The following ROBO2 variants were observed in gnomAD, a reference collection of about 807,000 sequenced individuals.
The protein encoded by ROBO2 is roundabout homolog 2.
In ROBO2, 53 loss-of-function variants were observed where a neutral mutation model predicts 160.8. That is an observed-to-expected ratio of 0.33 (90% CI 0.26 to 0.41). The LOEUF (loss-of-function observed/expected upper bound fraction) is 0.41, where lower values mean the gene tolerates loss of function less well. Ranked by LOEUF, ROBO2 falls within the 10% of genes least tolerant of loss-of-function variation. The pLI is 1.00. For missense variants in ROBO2, 1,577 were observed against 1,722.4 expected, an observed-to-expected ratio of 0.92 and a Z score of 1.49; for synonymous variants, 664 against 611.7, an observed-to-expected ratio of 1.09 and a Z score of -1.26.
At chr3:76,507,606 AT>A (rs2080862019) in intron 2 of ROBO2, among the ~76,000 whole-genome samples, 2 of 152,130 alleles carry the variant, frequency 1.3e-5, no homozygotes, top group African/African-American at 4.8e-5. Flanking sequence ...CAATAGCACA[AT>A]ACATACCAGA....
At chr3:77,530,677 C>G (rs181225796) in intron 6 of ROBO2, among the ~76,000 whole-genome samples, 1 of 152,126 alleles carries the variant, frequency 6.6e-6, no homozygotes, top group Non-Finnish European at 1.5e-5. Flanking sequence ...TTCATATTTG[C>G]TGGTTGCCAC....
intron 2 of ROBO2, among the ~76,000 whole-genome samples, chr3:77,016,222 G>C (rs1176292518): frequency 6.6e-6 from 1 of 151,958 alleles, no homozygotes; most frequent in Non-Finnish European, 1.5e-5. Context: ...ATGATCCGCC[G>C]CCTCGGCCTC....
chr3:76,107,239 C>T (rs545082828), intron 2 of ROBO2, among the ~76,000 whole-genome samples: 1 of 152,140 alleles, frequency 6.6e-6, no homozygotes, highest in African/African-American at 2.4e-5. Context: ...GGCACAGAGA[C>T]TTAGGTTATT....
chr3:77,402,099 A>G (rs7625482), intron 2 of ROBO2, among the ~76,000 whole-genome samples: 37,046 of 152,122 alleles, frequency 0.24, 4,985 homozygotes, highest in African/African-American at 0.35. Flanking sequence ...CTATGCAACC[A>G]TATAAAAGGA....
At chr3:75,927,354 G>A (rs1947330137) in intron 1 of ROBO2, among the ~76,000 whole-genome samples, 2 of 152,150 alleles carry the variant, frequency 1.3e-5, no homozygotes, top group Admixed American at 6.6e-5. Context: ...AATAATTTCT[G>A]TTGTTAAATT....
chr3:76,493,201 G>C (rs1443906200), intron 2 of ROBO2, among the ~76,000 whole-genome samples: 1 of 151,500 alleles, frequency 6.6e-6, no homozygotes, highest in African/African-American at 2.4e-5. Context: ...TGTTTCTTTA[G>C]CTATTTTCAA....
intron 23 of ROBO2, among the ~76,000 whole-genome samples, chr3:77,623,231 T>C (rs936498186): frequency 6.6e-6 from 1 of 152,300 alleles, no homozygotes; most frequent in South Asian, 2.1e-4. Context: ...CACAAGAAAA[T>C]GCCTCTTACA....
At chr3:77,377,183 C>A (rs951182799) in intron 2 of ROBO2, among the ~76,000 whole-genome samples, 4 of 151,856 alleles carry the variant, frequency 2.6e-5, no homozygotes, top group Admixed American at 6.6e-5. Context: ...TTACATTATT[C>A]AAAAACATAA....
At chr3:76,716,860 A>G (rs993092099) in intron 2 of ROBO2, among the ~76,000 whole-genome samples, 1 of 152,128 alleles carries the variant, frequency 6.6e-6, no homozygotes, top group African/African-American at 2.4e-5. Context: ...ACTCTAGCAA[A>G]TCCTTTTGAA....
At chr3:76,052,795 G>C (rs2067699252) in intron 2 of ROBO2, among the ~76,000 whole-genome samples, 2 of 151,892 alleles carry the variant, frequency 1.3e-5, no homozygotes, top group Admixed American at 6.6e-5. Context: ...CAATCTCTTT[G>C]TAAGTGATAT....
At chr3:77,269,395 A>T (rs1035117423) in intron 2 of ROBO2, among the ~76,000 whole-genome samples, 3 of 152,216 alleles carry the variant, frequency 2.0e-5, no homozygotes, top group African/African-American at 7.2e-5. Flanking sequence ...TCCCAATTGA[A>T]TCTCAATAAT....
chr3:77,178,567 A>G (rs2080383743), intron 2 of ROBO2, among the ~76,000 whole-genome samples: 1 of 152,104 alleles, frequency 6.6e-6, no homozygotes, highest in Non-Finnish European at 1.5e-5. Context: ...ATGCAAGCTC[A>G]AGAGAGCCAG....
chr3:77,274,913 G>C (rs2059732349), intron 2 of ROBO2, among the ~76,000 whole-genome samples: 2 of 151,994 alleles, frequency 1.3e-5, no homozygotes, highest in Admixed American at 6.6e-5. Flanking sequence ...TTAAAAAACA[G>C]ATATCTATTT....
chr3:77,070,573 T>C (rs2067302656), intron 1 of ROBO2, among the ~76,000 whole-genome samples: 1 of 152,076 alleles, frequency 6.6e-6, no homozygotes, highest in Non-Finnish European at 1.5e-5. Context: ...TGGGCATGGA[T>C]TTTGCAGGGG....
At position 77,547,191 on chromosome 3, in the gene ROBO2, G is replaced by T. The variant is rs527583411; in HGVS notation, c.1059+729G>T. On this transcript the variant is annotated intron_variant, in intron 7 of 25. Coordinates refer to ENST00000461745, the Ensembl canonical transcript of ROBO2. Reference sequence around the variant, plus strand: ...GAACTCTGTCTAAAGTTGGACAACTGCTTAGCCTCTAGGTTCGTAGTCAAT... The same window carrying T: ...GAACTCTGTCTAAAGTTGGACAACTTCTTAGCCTCTAGGTTCGTAGTCAAT... Among the ~76,000 whole-genome samples, 120 of 152,154 alleles carry T rather than the reference G, an allele frequency of 7.9e-4. 1 individual carries two copies. Among genetic ancestry groups the T allele is most frequent in the African/African-American group, 2.7e-3 (113 of 41,542 alleles).
At chr3:76,260,081 T>C (rs1024526519) in intron 2 of ROBO2, among the ~76,000 whole-genome samples, 7 of 152,096 alleles carry the variant, frequency 4.6e-5, no homozygotes, top group African/African-American at 1.7e-4. Context: ...GACAACACAT[T>C]TGTCAGTTTT....
At chr3:76,398,330 T>TG (rs753221085) in intron 2 of ROBO2, among the ~76,000 whole-genome samples, 23,593 of 87,144 alleles carry the variant, frequency 0.27, 2,315 homozygotes, top group African/African-American at 0.38. Context: ...TGTTGTGGGG[T>TG]GGGGGGAGGA....
intron 2 of ROBO2, among the ~76,000 whole-genome samples, chr3:76,177,425 A>T (rs1361753475): frequency 6.6e-6 from 1 of 152,178 alleles, no homozygotes; most frequent in Non-Finnish European, 1.5e-5. Flanking sequence ...TAAACAGAAG[A>T]TTAGTGTTGA....
intron 2 of ROBO2, among the ~76,000 whole-genome samples, chr3:75,968,673 A>G (rs2064885743): frequency 6.6e-6 from 1 of 151,582 alleles, no homozygotes; most frequent in South Asian, 2.1e-4. Flanking sequence ...ACTATACTTT[A>G]GATACAACTT....
Sources: allele counts gnomAD v4.1 joint callset (sites outside exome capture counted in the v4.1 genomes callset), GRCh38; gene constraint gnomAD v4.1.1; transcripts MANE v1.5; gene names NCBI Gene and HGNC (gene_info 2026-07-23, HGNC 2026-07-21).